Variants in DISC1 observed in about 807,000 individuals in gnomAD.
DISC1 encodes DISC1 scaffold protein.
A neutral mutation model predicts 84.5 loss-of-function variants in DISC1; 57 were observed. The observed-to-expected ratio is 0.67, with a 90% CI of 0.55 to 0.84. The LOEUF (loss-of-function observed/expected upper bound fraction) is 0.84. Among genes scored for constraint, DISC1 ranks in the 40% least tolerant of loss-of-function variants. The pLI is 0.00. For missense variants in DISC1, 1,000 were observed against 1,057.8 expected (o/e 0.95, Z 0.76); for synonymous variants, 411 against 415.2 (o/e 0.99, Z 0.12).
chr1:231,754,560 C>T (rs2074936359), intron 4 of DISC1, among the ~76,000 whole-genome samples: 1 of 152,158 alleles, frequency 6.6e-6, no homozygotes, highest in African/African-American at 2.4e-5. Flanking sequence ...AATCACCTCC[C>T]ACCAGGACCC....
At chr1:231,986,733 C>G (rs1435148594) in intron 10 of DISC1, among the ~76,000 whole-genome samples, 1 of 152,190 alleles carries the variant, frequency 6.6e-6, no homozygotes, top group South Asian at 2.1e-4. Flanking sequence ...CAGCAAGGAG[C>G]CTGTCACTTC....
intron 4 of DISC1, among the ~76,000 whole-genome samples, chr1:231,761,852 C>T (rs2075689985): frequency 6.6e-6 from 1 of 152,154 alleles, no homozygotes. Flanking sequence ...TTGCCAAGCC[C>T]CTACTAAGTG....
chr1:232,016,826 G>A (rs1198427762), intron 11 of DISC1, among the ~76,000 whole-genome samples: 3 of 152,138 alleles, frequency 2.0e-5, no homozygotes, highest in Non-Finnish European at 4.4e-5. Flanking sequence ...TACCACTGAC[G>A]ACATCTGGAT....
At position 231,698,417 on chromosome 1, in the gene DISC1, G is replaced by T. The variant is rs558468493; in HGVS notation, c.1048-3538G>T. Among the ~76,000 whole-genome samples, 111 of 152,304 alleles carry T rather than the reference G, an allele frequency of 7.3e-4. No homozygotes were observed. Among genetic ancestry groups the T allele is most frequent in the African/African-American group, 2.4e-3 (101 of 41,556 alleles). On this transcript the variant is annotated intron_variant, in intron 2 of 12. Transcript: ENST00000439617. The surrounding 1 kb of genome is among the most constrained non-coding windows in gnomAD (Gnocchi z 4.9). ...TGGTGACCAGGCATGCAGAGGAGGG[G>T]AAGTGGAGTGGGCCCTGCAAGGTAG... is the stretch of plus-strand genomic sequence containing the variant.
intron 1 of DISC1, among the ~76,000 whole-genome samples, chr1:231,683,425 AT>A (rs5781664): frequency 0.36 from 47,798 of 133,638 alleles, 8,023 homozygotes; most frequent in East Asian, 0.5. Context: ...TACCACCATG[AT>A]TTTTTTTTTT....
At chr1:231,838,106 A>T (rs891963953) in intron 9 of DISC1, among the ~76,000 whole-genome samples, 1 of 152,188 alleles carries the variant, frequency 6.6e-6, no homozygotes, top group East Asian at 1.9e-4. Context: ...GAAATTTCTC[A>T]CTTGGGAGAA....
chr1:231,662,461 C>T (rs1390033219), intron 1 of DISC1, among the ~76,000 whole-genome samples: 3 of 152,164 alleles, frequency 2.0e-5, no homozygotes, highest in Admixed American at 6.5e-5. Flanking sequence ...CTGAAGCCCC[C>T]ACAGGGAGGT....
intron 10 of DISC1, among the ~76,000 whole-genome samples, chr1:231,987,298 G>A (rs1391535861): frequency 1.3e-5 from 2 of 151,958 alleles, no homozygotes; most frequent in African/African-American, 4.8e-5. Flanking sequence ...GATTTTTTTC[G>A]CTTAGCCTGA....
intron 7 of DISC1, among the ~76,000 whole-genome samples, chr1:231,795,750 G>A (rs1307383103): frequency 2.6e-5 from 4 of 152,138 alleles, no homozygotes; most frequent in African/African-American, 7.2e-5. Context: ...TTAGCTGGGT[G>A]TGGTGGAGGG....
chr1:231,957,967 G>C (rs914462502), intron 9 of DISC1, among the ~76,000 whole-genome samples: 31 of 152,142 alleles, frequency 2.0e-4, no homozygotes, highest in South Asian at 6.2e-4. Flanking sequence ...TAACCCTTCA[G>C]AATAAAGGTT....
intron 8 of DISC1, among the ~76,000 whole-genome samples, chr1:231,802,254 A>G (rs542207070): frequency 1.3e-5 from 2 of 152,266 alleles, no homozygotes; most frequent in East Asian, 3.9e-4. Context: ...TGTTTGGATC[A>G]TGAGGGCGGT....
intron 11 of DISC1, among the ~76,000 whole-genome samples, chr1:232,010,193 G>A (rs935971454): frequency 2.0e-5 from 3 of 152,192 alleles, no homozygotes; most frequent in African/African-American, 7.2e-5. Flanking sequence ...ATCTGAACTC[G>A]TTTGTTAACC....
At chr1:231,820,483 A>T (rs2081407161) in intron 9 of DISC1, among the ~76,000 whole-genome samples, 1 of 152,218 alleles carries the variant, frequency 6.6e-6, no homozygotes, top group Non-Finnish European at 1.5e-5. Context: ...TTAAGAAATG[A>T]GCAATATGTA....
intron 10 of DISC1, among the ~76,000 whole-genome samples, chr1:232,005,024 C>T (rs1269304624): frequency 1.6e-5 from 2 of 124,310 alleles, no homozygotes; most frequent in African/African-American, 6.6e-5. Context: ...CTCTCTCCCT[C>T]CCTCACTCCC....
intron 10 of DISC1, among the ~76,000 whole-genome samples, chr1:231,961,610 T>G (rs2102769604): frequency 6.6e-6 from 1 of 152,286 alleles, no homozygotes; most frequent in Admixed American, 6.5e-5. Context: ...TAGCTCCCAC[T>G]TGCAAGTGAG....
In DISC1 at chr1:231,669,582, T is replaced by C. The variant is rs142511810; in HGVS notation, c.68-24244T>C. On this transcript the variant is annotated intron_variant, in intron 1 of 12. Coordinates refer to ENST00000439617, the MANE Select transcript of DISC1 (RefSeq NM_018662.3). The stretch of plus-strand genomic sequence containing the variant: ...GGCAAAGGACATGAACAGACACTTT[T>C]CAAAAGAAGACATACATGCAGACAA... Among the ~76,000 whole-genome samples the C allele has an allele frequency of 2.5e-3, 377 of 152,202 alleles. 6 individuals carry two copies. The highest frequency in any genetic ancestry group is 8.7e-3 in the African/African-American group (360 of 41,512).
intron 3 of DISC1, among the ~76,000 whole-genome samples, chr1:231,730,946 TAA>T (rs1159943272): frequency 6.6e-6 from 1 of 152,126 alleles, no homozygotes; most frequent in African/African-American, 2.4e-5. Flanking sequence ...ACATTTTAAA[TAA>T]GAGTTTCTCT....
At chr1:231,722,971 A>AG in intron 3 of DISC1, 3 of 1,175,258 alleles carry the variant, frequency 2.6e-6, no homozygotes, top group South Asian at 2.0e-5. Context: ...GATTAATGTC[A>AG]GTTACGGGAA....
At chr1:231,743,745 T>G (rs1300750906) in intron 3 of DISC1, among the ~76,000 whole-genome samples, 1 of 152,218 alleles carries the variant, frequency 6.6e-6, no homozygotes, top group Non-Finnish European at 1.5e-5. Context: ...GATCTGCTAA[T>G]TACTTGGGAC....
Sources: allele counts gnomAD v4.1 joint callset (sites outside exome capture counted in the v4.1 genomes callset), GRCh38; gene constraint gnomAD v4.1.1; non-coding constraint Gnocchi (gnomAD v3.1); transcripts MANE v1.5; gene names NCBI Gene and HGNC (gene_info 2026-07-23, HGNC 2026-07-21).